Variants in ATP8A2 observed in about 807,000 individuals in gnomAD.
ATP8A2 encodes the protein phospholipid-transporting ATPase IB.
A neutral mutation model predicts 165.6 loss-of-function variants in ATP8A2; 100 were observed. The ratio of observed to expected loss-of-function variants is 0.60; its 90% CI spans 0.51 to 0.71. The LOEUF (loss-of-function observed/expected upper bound fraction) is 0.71, where lower values mean the gene tolerates loss of function less well. Among genes scored for constraint, ATP8A2 ranks in the 30% least tolerant of loss-of-function variants. The probability of loss-of-function intolerance (pLI) is 0.00; values close to 1 mark genes in which losing one functional copy is unlikely to be tolerated. For synonymous variants in ATP8A2, 543 were observed against 548.8 expected (o/e 0.99, Z 0.15); for missense variants, 1,227 against 1,479.5 (o/e 0.83, Z 2.80).
At chr13:25,588,935 T>C (rs1453757307) in intron 23 of ATP8A2, among the ~76,000 whole-genome samples, 1 of 152,106 alleles carries the variant, frequency 6.6e-6, no homozygotes, top group East Asian at 1.9e-4. Flanking sequence ...CCATGACTGC[T>C]CACCCAGGGC....
intron 24 of ATP8A2, among the ~76,000 whole-genome samples, chr13:25,602,483 G>C (rs946959713): frequency 1.3e-5 from 2 of 152,218 alleles, no homozygotes; most frequent in Non-Finnish European, 2.9e-5. Flanking sequence ...TCCTGGCATA[G>C]ATTTAAGACT....
chr13:25,720,167 C>CTTTTTTTTTTTTTTTTTTTTT lies in ATP8A2; in HGVS notation c.2384+20840_2384+20841insTTTTTTTTTTTTTTTTTTTTT, dbSNP rs1007404557. Among the ~76,000 whole-genome samples, 26 of 117,260 alleles carry CTTTTTTTTTTTTTTTTTTTTT rather than the reference C, an allele frequency of 2.2e-4. 3 individuals carry two copies. The highest frequency in any genetic ancestry group is 9.1e-4 in the African/African-American group (24 of 26,350). The allele number at this position is 117,260 out of a possible 152,430, so 76.9% of individuals were successfully genotyped here. ...GACCTCCGATAAATGTATACTTTTT[C>CTTTTTTTTTTTTTTTTTTTTT]TTTTTTTTTTTTTTTTTTGAGAAGG... On this transcript the variant is annotated intron_variant, in intron 25 of 36. Transcript: ENST00000381655.
intron 11 of ATP8A2, among the ~76,000 whole-genome samples, chr13:25,552,233 C>T (rs143436851): frequency 0.015 from 2,238 of 152,202 alleles, 57 homozygotes; most frequent in African/African-American, 0.051. Flanking sequence ...GCAATCTACC[C>T]GCCTCGGCCT....
chr13:25,767,868 A>G (rs2044523700), intron 25 of ATP8A2, among the ~76,000 whole-genome samples: 2 of 152,092 alleles, frequency 1.3e-5, no homozygotes, highest in African/African-American at 4.8e-5. Flanking sequence ...TGGTAGAATG[A>G]GATGTCAGGT....
In ATP8A2 at chr13:25,666,686, ACT is replaced by A. The variant is rs140818697; in HGVS notation, c.2212-32484_2212-32483del. ...TCCTTTTTTTTGTTACATATGTTAA[ACT>A]CTGAGTCTTTTGACAACACCAAAAG... On this transcript the variant is annotated intron_variant, in intron 24 of 36. Coordinates refer to ENST00000381655, the MANE Select transcript of ATP8A2 (RefSeq NM_016529.6). Among the ~76,000 whole-genome samples the A allele has an allele frequency of 4.3e-3, 653 of 152,110 alleles. 7 individuals are homozygous for A. Among genetic ancestry groups the A allele is most frequent in the African/African-American group, 0.015 (631 of 41,440 alleles).
chr13:26,005,324 G>C (rs75907718), intron 35 of ATP8A2, among the ~76,000 whole-genome samples: 1 of 151,800 alleles, frequency 6.6e-6, no homozygotes, highest in Non-Finnish European at 1.5e-5. Flanking sequence ...CTTTATTTGC[G>C]TCTCTCCTTT....
At chr13:25,590,245 C>T (rs563751279) in intron 24 of ATP8A2, among the ~76,000 whole-genome samples, 1 of 152,168 alleles carries the variant, frequency 6.6e-6, no homozygotes, top group Admixed American at 6.5e-5. Flanking sequence ...AGCAACACAG[C>T]AGGACCTCAT....
At chr13:25,411,219 C>G (rs1396226146) in intron 1 of ATP8A2, among the ~76,000 whole-genome samples, 2 of 152,214 alleles carry the variant, frequency 1.3e-5, no homozygotes, top group Non-Finnish European at 2.9e-5. Flanking sequence ...AGGGTGATCT[C>G]TTTTGCAAAG....
In ATP8A2 at chr13:26,021,920, A is replaced by G. The variant is rs1216420944; in HGVS notation, c.*1935A>G. ...AATCTACAACCTACTGGGCATGGAA[A>G]TGATTTAAAATATGATCTGCATTGA... On this transcript the variant is annotated 3_prime_UTR_variant, in exon 37 of 37. Coordinates refer to ENST00000381655, the MANE Select transcript of ATP8A2 (RefSeq NM_016529.6). 1 of 152,208 alleles carries G rather than the reference A, an allele frequency of 6.6e-6. No individual in the cohort carries two copies. The highest frequency in any genetic ancestry group is 2.4e-5 in the African/African-American group (1 of 41,450). The allele number at this position is 152,208 out of a possible 1,614,324, so 9.4% of individuals were successfully genotyped here. A position where few individuals can be genotyped will look rare whatever the true frequency, so the allele number is the denominator to read the frequency against.
chr13:25,816,345 A>C (rs1951019107), intron 27 of ATP8A2, among the ~76,000 whole-genome samples: 2 of 152,060 alleles, frequency 1.3e-5, no homozygotes, highest in Admixed American at 1.3e-4. Flanking sequence ...CTCTTCTCTC[A>C]CTTCATTTTC....
intron 2 of ATP8A2, among the ~76,000 whole-genome samples, chr13:25,504,959 G>C (rs1201666523): frequency 6.6e-6 from 1 of 152,076 alleles, no homozygotes; most frequent in Non-Finnish European, 1.5e-5. Flanking sequence ...TCTCAGAATT[G>C]TATTTTTTTA....
At chr13:25,982,413 G>C (rs1161435313) in intron 35 of ATP8A2, among the ~76,000 whole-genome samples, 1 of 152,196 alleles carries the variant, frequency 6.6e-6, no homozygotes. Context: ...AGACACCGGG[G>C]CTGGGTGGGG....
chr13:25,755,199 G>T (rs1020627496), intron 25 of ATP8A2, among the ~76,000 whole-genome samples: 1 of 152,174 alleles, frequency 6.6e-6, no homozygotes, highest in Non-Finnish European at 1.5e-5. Context: ...TAAATGTACA[G>T]TTCTAATCAA....
At chr13:25,790,018 G>T (rs1216285954) in intron 27 of ATP8A2, among the ~76,000 whole-genome samples, 3 of 152,184 alleles carry the variant, frequency 2.0e-5, no homozygotes, top group Non-Finnish European at 4.4e-5. Context: ...TAACTGGTTA[G>T]TCATATGCAG....
At chr13:25,542,159 C>A in intron 9 of ATP8A2, 113 bp downstream of exon 9, 1 of 1,121,414 alleles carries the variant, frequency 8.9e-7, no homozygotes, top group South Asian at 1.7e-5. Context: ...AGTGAGATTT[C>A]ATACCCTTTC....
At chr13:25,965,554 C>T (rs1955757745) in intron 34 of ATP8A2, among the ~76,000 whole-genome samples, 1 of 152,202 alleles carries the variant, frequency 6.6e-6, no homozygotes. Flanking sequence ...TTGTTAGATG[C>T]ATGAAGTTTA....
intron 33 of ATP8A2, among the ~76,000 whole-genome samples, chr13:25,941,085 A>G (rs781256789): frequency 6.6e-6 from 1 of 152,080 alleles, no homozygotes; most frequent in South Asian, 2.1e-4. Context: ...CAGATCGAGA[A>G]CTTTCTGACT....
intron 33 of ATP8A2, among the ~76,000 whole-genome samples, chr13:25,952,803 G>A (rs1399691059): frequency 6.6e-6 from 1 of 152,194 alleles, no homozygotes; most frequent in South Asian, 2.1e-4. Context: ...GGGGAGCACA[G>A]CTCTTTATTG....
chr13:25,650,007 G>C (rs995239265), intron 24 of ATP8A2, among the ~76,000 whole-genome samples: 2 of 152,152 alleles, frequency 1.3e-5, no homozygotes, highest in African/African-American at 4.8e-5. Flanking sequence ...GGTGAGACCA[G>C]AGTGGACTTC....
Sources: gnomAD v4.1 joint callset for allele counts (sites outside exome capture counted in the v4.1 genomes callset) on GRCh38, gnomAD v4.1.1 for gene constraint, MANE v1.5 for transcripts, NCBI Gene and HGNC (gene_info 2026-07-23, HGNC 2026-07-21) for gene names.